The following SLC25A48 variants were observed in gnomAD, a reference collection of about 807,000 sequenced individuals.
The protein encoded by SLC25A48 is solute carrier family 25 member 48, also known as CTC-321K16.1.
SLC25A48 carries 29 observed loss-of-function variants against 32.2 expected under a neutral mutation model. That is an observed-to-expected ratio of 0.90 (90% CI 0.67 to 1.23). The LOEUF (loss-of-function observed/expected upper bound fraction) is 1.23. SLC25A48 is among the 50% of genes most tolerant of loss of function. The pLI is 0.00. For synonymous variants in SLC25A48, 164 were observed against 172.3 expected, an observed-to-expected ratio of 0.95 and a Z score of 0.38; for missense variants, 399 against 422.7, an observed-to-expected ratio of 0.94 and a Z score of 0.49.
In SLC25A48 at chr5:135,888,505, G is replaced by C. The variant is rs143377419; in HGVS notation, c.*481G>C. On this transcript the variant is annotated 3_prime_UTR_variant, in exon 8 of 8. Transcript: ENST00000681962. ...TGCACCCGTGGATCCTGAGGACAGC[G>C]GTAGCGCCTTCCTCACCGCACGCTG... 1 of 172,188 alleles carries C rather than the reference G, an allele frequency of 5.8e-6. No homozygotes were observed. The highest frequency in any genetic ancestry group is 1.2e-5 in the Non-Finnish European group (1 of 80,122). The allele number at this position is 172,188 out of a possible 1,614,324, so 10.7% of individuals were successfully genotyped here. A position where few individuals can be genotyped will look rare whatever the true frequency, so the allele number is the denominator to read the frequency against.
Position 135,680,206 on chromosome 5 carries a change from G to A in SLC25A48, c.-521+45250G>A, listed in dbSNP as rs560152856. Among the ~76,000 whole-genome samples, 9 of 152,300 alleles carry A rather than the reference G, an allele frequency of 5.9e-5. No individual in the cohort carries two copies. In the South Asian group the frequency reaches 1.9e-3, roughly 32 times the overall value. Reference sequence around the variant, plus strand: ...TATCTTGGTTCTTTATGAAGGAGGTGAGTACCAGATGCCTCTAGTCAGCCA... The same window carrying A: ...TATCTTGGTTCTTTATGAAGGAGGTAAGTACCAGATGCCTCTAGTCAGCCA... On this transcript the variant is annotated intron_variant, in intron 3 of 10. Coordinates refer to the SLC25A48 transcript ENST00000646290.
intron 4 of SLC25A48, among the ~76,000 whole-genome samples, chr5:135,870,397 G>A (rs1049372332): frequency 4.6e-5 from 7 of 152,310 alleles, no homozygotes; most frequent in African/African-American, 1.2e-4. Flanking sequence ...AGAAGGGTCC[G>A]TAGCAGAGAA....
At chr5:135,773,009 A>G (rs2126611257) in intron 3 of SLC25A48, among the ~76,000 whole-genome samples, 1 of 151,330 alleles carries the variant, frequency 6.6e-6, no homozygotes, top group South Asian at 2.1e-4. Flanking sequence ...AGAGGATGGT[A>G]TTACTCCCAA....
At chr5:135,802,657 A>G (rs1757364572) in intron 3 of SLC25A48, among the ~76,000 whole-genome samples, 1 of 151,524 alleles carries the variant, frequency 6.6e-6, no homozygotes. Flanking sequence ...TATTATTCAT[A>G]ATATCCTAGA....
chr5:135,769,915 T>C (rs1756359992), intron 3 of SLC25A48, among the ~76,000 whole-genome samples: 1 of 150,342 alleles, frequency 6.7e-6, no homozygotes, highest in Non-Finnish European at 1.5e-5. Context: ...ACCCCTGTGA[T>C]ATTGTTCGTA....
intron 3 of SLC25A48, among the ~76,000 whole-genome samples, chr5:135,643,188 C>T (rs1752880916): frequency 6.6e-6 from 1 of 152,214 alleles, no homozygotes; most frequent in Non-Finnish European, 1.5e-5. Context: ...TTTACAGACA[C>T]AGCTGCTTGA....
At chr5:135,712,006 G>A (rs766926713) in intron 3 of SLC25A48, among the ~76,000 whole-genome samples, 2 of 150,846 alleles carry the variant, frequency 1.3e-5, no homozygotes, top group South Asian at 2.1e-4. Flanking sequence ...CCAACTTCTC[G>A]CAAGTCTGCT....
At chr5:135,830,468 C>G (rs192681379), upstream of SLC25A48, among the ~76,000 whole-genome samples, 3 of 152,206 alleles carry the variant, frequency 2.0e-5, no homozygotes, top group African/African-American at 7.2e-5. Flanking sequence ...CCCAGGCAGC[C>G]CAGCTTTCCC....
At chr5:135,727,849 T>C (rs947115699) in intron 3 of SLC25A48, among the ~76,000 whole-genome samples, 2 of 152,222 alleles carry the variant, frequency 1.3e-5, no homozygotes, top group Non-Finnish European at 2.9e-5. Flanking sequence ...CATTTTATTT[T>C]AGCAATTCCA....
At chr5:135,645,216 A>G (rs986917973) in intron 3 of SLC25A48, among the ~76,000 whole-genome samples, 10 of 152,198 alleles carry the variant, frequency 6.6e-5, no homozygotes, top group African/African-American at 2.4e-4. Context: ...GAGTGTACAG[A>G]TGTGGAGCCA....
intron 3 of SLC25A48, among the ~76,000 whole-genome samples, chr5:135,794,126 G>A (rs1051903611): frequency 2.0e-5 from 3 of 151,734 alleles, no homozygotes; most frequent in African/African-American, 7.3e-5. Flanking sequence ...GATATCCCAG[G>A]GGATGCACAT....
chr5:135,853,180 C>G (rs1410410514), intron 4 of SLC25A48, among the ~76,000 whole-genome samples: 1 of 152,168 alleles, frequency 6.6e-6, no homozygotes, highest in Non-Finnish European at 1.5e-5. Flanking sequence ...GAGTATTCAG[C>G]GAGTCGTAAT....
At chr5:135,742,584 C>A in intron 3 of SLC25A48, 1 of 1,157,168 alleles carries the variant, frequency 8.6e-7, no homozygotes. Context: ...TTGATTTCCT[C>A]TATAGCTGCA....
chr5:135,682,578 C>CA (rs1327799062), intron 3 of SLC25A48, among the ~76,000 whole-genome samples: 1 of 152,076 alleles, frequency 6.6e-6, no homozygotes, highest in African/African-American at 2.4e-5. Context: ...AACTAATCAC[C>CA]ACAATACTTT....
At chr5:135,676,004 TAGC>T (rs1753760378) in intron 3 of SLC25A48, among the ~76,000 whole-genome samples, 1 of 152,012 alleles carries the variant, frequency 6.6e-6, no homozygotes, top group Non-Finnish European at 1.5e-5. Flanking sequence ...CTTTCTTAGC[TAGC>T]TTATTTTTGG....
At chr5:135,738,244 G>A (rs1434701889) in intron 3 of SLC25A48, among the ~76,000 whole-genome samples, 3 of 152,136 alleles carry the variant, frequency 2.0e-5, no homozygotes, top group African/African-American at 7.2e-5. Context: ...GGCCCAAGAG[G>A]CTGTTGACAT....
At chr5:135,627,180 G>T (rs1432904278) in intron 1 of SLC25A48, among the ~76,000 whole-genome samples, 2 of 152,180 alleles carry the variant, frequency 1.3e-5, no homozygotes, top group Admixed American at 1.3e-4. Flanking sequence ...GTGGCTGACT[G>T]CTCGAGCTAA....
At chr5:135,793,897 A>C (rs4642362) in intron 3 of SLC25A48, among the ~76,000 whole-genome samples, 126,491 of 151,482 alleles carry the variant, frequency 0.84, 52,915 homozygotes, top group Middle Eastern at 0.93. Flanking sequence ...TGAGTGTACA[A>C]CATGTGTGTA....
chr5:135,844,616 G>A (rs1316565526), intron 2 of SLC25A48, among the ~76,000 whole-genome samples: 3 of 152,166 alleles, frequency 2.0e-5, no homozygotes, highest in Admixed American at 2.0e-4. Context: ...AAGATTATAA[G>A]CATTGTTTCT....
Sources: allele counts gnomAD v4.1 joint callset (sites outside exome capture counted in the v4.1 genomes callset), GRCh38; gene constraint gnomAD v4.1.1; transcripts MANE v1.5; gene names NCBI Gene and HGNC (gene_info 2026-07-23, HGNC 2026-07-21).